Variants in XRCC6 observed in about 807,000 individuals in gnomAD.
XRCC6 encodes the protein X-ray repair cross complementing 6.
In XRCC6, 5 loss-of-function variants were observed where a neutral mutation model predicts 65.7. The observed-to-expected ratio is 0.08, with a 90% CI of 0.04 to 0.16. XRCC6 has a LOEUF of 0.16. XRCC6 is among the 10% of genes least tolerant of loss of function. The probability of loss-of-function intolerance (pLI) is 1.00; values close to 1 mark genes in which losing one functional copy is unlikely to be tolerated. For missense variants in XRCC6, 447 were observed against 738.1 expected (o/e 0.61, Z 4.57); for synonymous variants, 270 against 270.6 (o/e 1.00, Z 0.02).
At chr22:41,647,804 C>T (rs2067949686) in intron 7 of XRCC6, among the ~76,000 whole-genome samples, 1 of 152,022 alleles carries the variant, frequency 6.6e-6, no homozygotes, top group Non-Finnish European at 1.5e-5. Context: ...AACTCCTAGG[C>T]TCAAGCAGTA....
At chr22:41,645,776 A>G (rs1221780385) in intron 6 of XRCC6, among the ~76,000 whole-genome samples, 3 of 149,878 alleles carry the variant, frequency 2.0e-5, no homozygotes, top group African/African-American at 7.4e-5. Context: ...GCTCACTGCA[A>G]CCTCCAACTC....
intron 2 of XRCC6, among the ~76,000 whole-genome samples, chr22:41,623,173 C>T (rs533909889): frequency 5.9e-5 from 9 of 151,454 alleles, no homozygotes; most frequent in East Asian, 2.0e-4. Context: ...CTCAAACTCC[C>T]GGGCTCAAGT....
intron 2 of XRCC6, among the ~76,000 whole-genome samples, chr22:41,622,728 C>T (rs1341461385): frequency 6.6e-6 from 1 of 152,038 alleles, no homozygotes; most frequent in African/African-American, 2.4e-5. Context: ...ATCACGATGT[C>T]AGGAGATCAA....
chr22:41,647,576 C>T (rs1486559973), intron 7 of XRCC6, among the ~76,000 whole-genome samples: 11 of 86,904 alleles, frequency 1.3e-4, no homozygotes, highest in East Asian at 1.2e-3. Flanking sequence ...AGCGTAACTC[C>T]GTCTCAAAAA....
chr22:41,628,187 C>A lies in XRCC6; in HGVS notation c.152C>A (p.Ser51Tyr). The A allele has an allele frequency of 6.2e-7, 1 of 1,613,888 alleles. No individual in the cohort carries two copies. Among genetic ancestry groups the A allele is most frequent in the Non-Finnish European group, 8.5e-7 (1 of 1,179,918 alleles). Residue 51 changes from serine to tyrosine, a missense_variant, in exon 3 of 13, where the codon TCT (serine) becomes TAT (tyrosine). Ser to Tyr is a moderately radical substitution (Grantham distance 144). This residue lies in a region of XRCC6 where 228 missense variants were observed against 307.4 expected (regional missense o/e 0.74). Transcript: ENST00000360079. ...GATGCCTCCAAGGCTATGTTTGAATCTCAGAGTGAAGATGAGTTGACACCT... is the reference window on the plus strand; with the variant it reads ...GATGCCTCCAAGGCTATGTTTGAATATCAGAGTGAAGATGAGTTGACACCT... ...LVDASKAMFESQSEDELTPFD... is the reference protein window; with the variant it reads ...LVDASKAMFEYQSEDELTPFD...
At chr22:41,661,773 C>G (rs1032820015) in intron 12 of XRCC6, 1 of 208,324 alleles carries the variant, frequency 4.8e-6, no homozygotes, top group African/African-American at 2.3e-5. Flanking sequence ...ATCAATATAT[C>G]AAAGAGATAT....
intron 11 of XRCC6, among the ~76,000 whole-genome samples, chr22:41,659,542 G>A (rs1448301710): frequency 6.6e-6 from 1 of 151,918 alleles, no homozygotes; most frequent in Admixed American, 6.6e-5. Context: ...GTTTCACCAT[G>A]TTGGCCAGGC....
At position 41,636,248 on chromosome 22, in the gene XRCC6, C is replaced by T; in HGVS notation, c.331C>T (p.Pro111Ser). 14 of 1,585,324 alleles carry T rather than the reference C, an allele frequency of 8.8e-6. No homozygotes were observed. Among genetic ancestry groups the T allele is most frequent in the East Asian group, 2.2e-5 (1 of 44,674 alleles). ...TTACGTCTTACAGGAGCTGGATAATCCAGGTCAGTAATATTTTAAGATCAG... is the reference window on the plus strand; with the variant it reads ...TTACGTCTTACAGGAGCTGGATAATTCAGGTCAGTAATATTTTAAGATCAG... ...NIYVLQELDN[P>S]GAKRILELDQ... The change falls in exon 4 of 13, where the codon CCA (proline) becomes TCA (serine). Residue 111 changes from proline (P) to serine (S), a missense_variant. Coordinates refer to ENST00000360079, the MANE Select transcript of XRCC6 (RefSeq NM_001469.5).
In XRCC6 at chr22:41,659,753, C is replaced by T. The variant is rs186316315; in HGVS notation, c.1522+1401C>T. ...AGACTGAAGTGCAGTGGTGGGATCT[C>T]GGCTCACTGAAACCTTTGGCTCCCA... On this transcript the variant is annotated intron_variant, in intron 11 of 12. Coordinates refer to ENST00000360079, the MANE Select transcript of XRCC6 (RefSeq NM_001469.5). 7.3e-4 allele frequency among the ~76,000 whole-genome samples: 111 copies of T among 151,812 alleles called. 2 individuals carry two copies. In the Middle Eastern group the frequency reaches 0.024, roughly 33 times the overall value.
chr22:41,642,448 T>C (rs190084170), intron 6 of XRCC6, among the ~76,000 whole-genome samples: 29 of 152,328 alleles, frequency 1.9e-4, no homozygotes, highest in Admixed American at 1.7e-3. Flanking sequence ...AGAAGCTTTT[T>C]AACTTGATGT....
chr22:41,650,224 C>A (rs578218142), intron 7 of XRCC6, among the ~76,000 whole-genome samples: 25 of 151,770 alleles, frequency 1.6e-4, no homozygotes, highest in African/African-American at 5.3e-4. Context: ...CCAGTCTCAG[C>A]CTCCCAAGTA....
chr22:41,653,454 G>GA, intron 8 of XRCC6, 75 bp from the exon 9 acceptor site: 3 of 1,399,610 alleles, frequency 2.1e-6, no homozygotes, highest in Non-Finnish European at 2.9e-6. Context: ...AAATGGAAGA[G>GA]AAACTTTAGG....
At chr22:41,644,250 G>A (rs1252405531) in intron 6 of XRCC6, among the ~76,000 whole-genome samples, 1 of 151,978 alleles carries the variant, frequency 6.6e-6, no homozygotes, top group Non-Finnish European at 1.5e-5. Flanking sequence ...ATTTCTTTCT[G>A]TTGTGGACCT....
At chr22:41,647,522 G>C (rs1295303469) in intron 7 of XRCC6, among the ~76,000 whole-genome samples, 1 of 151,502 alleles carries the variant, frequency 6.6e-6, no homozygotes, top group Non-Finnish European at 1.5e-5. Context: ...CAGAGGTTGC[G>C]GTGAGCCGAG....
At position 41,622,054 on chromosome 22, in the gene XRCC6, AG is replaced by A. The variant is rs2067613238; in HGVS notation, c.52del (p.Glu18LysfsTer21). The A allele has an allele frequency of 6.2e-7, 1 of 1,614,138 alleles. No individual in the cohort carries two copies. The highest frequency in any genetic ancestry group is 8.5e-7 in the Non-Finnish European group (1 of 1,180,044). ...AAAACCGAGGGCGATGAAGAAGCAG[AG>A]GAAGAACAAGAAGAGAACCTTGAAG... ...YYKTEGDEEA[E>X]EEQEENLEAS... On this transcript the variant is annotated frameshift_variant, in exon 2 of 13. Coordinates refer to ENST00000360079, the MANE Select transcript of XRCC6 (RefSeq NM_001469.5). LOFTEE classifies it high-confidence loss of function.
At position 41,657,010 on chromosome 22, in the gene XRCC6, G is replaced by C; in HGVS notation, c.1399G>C (p.Glu467Gln). 4 of 1,594,424 alleles carry C rather than the reference G, an allele frequency of 2.5e-6. No individual in the cohort carries two copies. Among genetic ancestry groups the C allele is most frequent in the Non-Finnish European group, 3.4e-6 (4 of 1,174,274 alleles). ...GGTGGGCAAGATGAAGGCTATCGTT[G>C]AGAAGCTTCGCTTCACATACAGGTG... ...EQVGKMKAIVEKLRFTYRSDS... is the reference protein window; with the variant it reads ...EQVGKMKAIVQKLRFTYRSDS... The change falls in exon 10 of 13, where the codon GAG becomes CAG. Residue 467 changes from glutamate (E) to glutamine (Q), a missense_variant. Glu to Gln is a conservative substitution (Grantham distance 29). Around this residue, in one of 4 missense-constraint regions of XRCC6, gnomAD observed 201 missense variants for 374.1 expected, o/e 0.54. Coordinates refer to ENST00000360079, the MANE Select transcript of XRCC6 (RefSeq NM_001469.5).
chr22:41,629,983 CTT>C (rs60191841), intron 3 of XRCC6, among the ~76,000 whole-genome samples: 11,597 of 93,058 alleles, frequency 0.12, 1,329 homozygotes, highest in African/African-American at 0.39. Context: ...TGCATTTATG[CTT>C]TTTTTTTTTT....
At chr22:41,639,329 CTT>C (rs386395480) in intron 6 of XRCC6, among the ~76,000 whole-genome samples, 109 of 64,572 alleles carry the variant, frequency 1.7e-3, no homozygotes, top group Middle Eastern at 0.022. Flanking sequence ...GATTCTTTTT[CTT>C]TTTTTTTTTT....
chr22:41,649,853 TAATAAATA>T (rs1226836599), intron 7 of XRCC6, among the ~76,000 whole-genome samples: 1 of 146,116 alleles, frequency 6.8e-6, no homozygotes, highest in African/African-American at 2.5e-5. Context: ...AAAAAAATAA[TAATAAATA>T]AATAAATAAA....
Sources: gnomAD v4.1 joint callset for allele counts (sites outside exome capture counted in the v4.1 genomes callset) on GRCh38, gnomAD v4.1.1 for gene constraint, gnomAD v4.1.1 regional missense constraint, MANE v1.5 for transcripts, NCBI Gene and HGNC (gene_info 2026-07-23, HGNC 2026-07-21) for gene names.